PLA2G2C: variants seen among roughly 807,000 people sequenced by gnomAD.
PLA2G2C encodes the protein phospholipase A2 group IIC.
PLA2G2C carries 15 observed loss-of-function variants against 14.3 expected under a neutral mutation model. That is an observed-to-expected ratio of 1.05 (90% CI 0.70 to 1.62). PLA2G2C has a LOEUF of 1.62. Among genes scored for constraint, PLA2G2C ranks in the 40% most tolerant of loss-of-function variants. The pLI, the probability that PLA2G2C is intolerant of heterozygous loss-of-function variation, is 0.00. For synonymous variants in PLA2G2C, 79 were observed against 67.7 expected (o/e 1.17, Z -0.82); for missense variants, 162 against 173.2 (o/e 0.94, Z 0.36).
intron 4 of PLA2G2C, 102 bp downstream of exon 4, chr1:20,172,692 G>A: frequency 9.7e-7 from 1 of 1,026,258 alleles, no homozygotes; most frequent in South Asian, 1.6e-5. Context: ...CCAAGCACTT[G>A]GAAGCATTTC....
intron 4 of PLA2G2C, among the ~76,000 whole-genome samples, chr1:20,170,816 C>T (rs2018060758): frequency 7.7e-6 from 1 of 129,326 alleles, no homozygotes; most frequent in Non-Finnish European, 1.7e-5. Flanking sequence ...GCTGCTTCTG[C>T]TCTGAAGGGG....
At chr1:20,185,006 T>G (rs751798061) in intron 1 of PLA2G2C, among the ~76,000 whole-genome samples, 1 of 151,898 alleles carries the variant, frequency 6.6e-6, no homozygotes, top group Non-Finnish European at 1.5e-5. Context: ...TAATAAAAAT[T>G]AGCCAAGCAT....
At chr1:20,164,956 C>G (rs771902360) in intron 4 of PLA2G2C, among the ~76,000 whole-genome samples, 31 of 152,268 alleles carry the variant, frequency 2.0e-4, no homozygotes, top group Non-Finnish European at 3.7e-4. Context: ...CAGGGACCTT[C>G]TCAAACTGTA....
chr1:20,166,997 G>A (rs941426135), intron 4 of PLA2G2C, among the ~76,000 whole-genome samples: 9 of 152,196 alleles, frequency 5.9e-5, no homozygotes, highest in Admixed American at 1.3e-4. Flanking sequence ...ATCTTTTAAT[G>A]TGCTAATGGA....
Position 20,177,337 on chromosome 1 carries a change from G to A in PLA2G2C, c.27C>T (p.Leu9=). Residue 9 remains leucine, a synonymous_variant, in exon 2 of 5, where the codon CTC becomes CTT. Coordinates refer to ENST00000679259, the MANE Select transcript of PLA2G2C (RefSeq NM_001367969.2). MKVIAILT[L]LLFCSPTHSS... ...CTCTCTACTTACAGCAGAAGAGGAG[G>A]AGGGTGAGGATGGCAATGACCTTCA... 1 of 700,952 alleles carries A rather than the reference G, an allele frequency of 1.4e-6. No homozygotes were observed. Among genetic ancestry groups the A allele is most frequent in the East Asian group, 2.7e-5 (1 of 37,256 alleles). The allele number at this position is 700,952 out of a possible 1,614,324, so 43.4% of individuals were successfully genotyped here. A position where few individuals can be genotyped will look rare whatever the true frequency, so the allele number is the denominator to read the frequency against.
rs549342717 is a variant in PLA2G2C at position 20,168,483 on chromosome 1, C to T, written c.283+4311G>A. On this transcript the variant is annotated intron_variant, in intron 4 of 4. Transcript: ENST00000679259. ...ACCTTTCTAGTCGGTGGGGGAGAGT[C>T]GAGGCACACAGACACAGAGAAGTAA... Among the ~76,000 whole-genome samples, 88 of 152,056 alleles carry T rather than the reference C, an allele frequency of 5.8e-4. 2 individuals carry two copies. In the South Asian group the frequency reaches 0.012, roughly 21 times the overall value.
chr1:20,178,982 C>T (rs1557789408), intron 1 of PLA2G2C, among the ~76,000 whole-genome samples: 1 of 152,244 alleles, frequency 6.6e-6, no homozygotes, highest in African/African-American at 2.4e-5. Flanking sequence ...CTGACGCTGT[C>T]CCTCACTGAG....
chr1:20,180,360 G>T lies in PLA2G2C; in HGVS notation c.-76-2921C>A, dbSNP rs114929604. On this transcript the variant is annotated intron_variant, in intron 1 of 4. Coordinates refer to ENST00000679259, the MANE Select transcript of PLA2G2C (RefSeq NM_001367969.2). Reference sequence around the variant, plus strand: ...GGGAAGGTCACAGAAATCTTCCCAGGAGAGGTGGTATTTGAGAAGGCCTTA... The same window carrying T: ...GGGAAGGTCACAGAAATCTTCCCAGTAGAGGTGGTATTTGAGAAGGCCTTA... 5.6e-3 allele frequency among the ~76,000 whole-genome samples: 855 copies of T among 152,302 alleles called. 8 individuals are homozygous for T. Among genetic ancestry groups the T allele is most frequent in the African/African-American group, 0.02 (821 of 41,552 alleles).
At chr1:20,173,957 C>T (rs2018135179) in intron 3 of PLA2G2C, among the ~76,000 whole-genome samples, 2 of 152,106 alleles carry the variant, frequency 1.3e-5, no homozygotes, top group Admixed American at 1.3e-4. Flanking sequence ...CTCGTTCAAT[C>T]CTAACTCTGC....
At chr1:20,184,345 T>G (rs1385672378) in intron 1 of PLA2G2C, 2 of 152,222 alleles carry the variant, frequency 1.3e-5, no homozygotes, top group Non-Finnish European at 2.9e-5. Flanking sequence ...CTGAAGAGCA[T>G]CGCTAAGACA....
chr1:20,182,456 C>A (rs2018291075), intron 1 of PLA2G2C, among the ~76,000 whole-genome samples: 1 of 152,208 alleles, frequency 6.6e-6, no homozygotes, highest in East Asian at 1.9e-4. Context: ...TACCATATAA[C>A]CTAGGTGTGT....
rs150691515 is a variant in PLA2G2C, at chr1:20,170,257, G to A, written c.283+2537C>T. Among the ~76,000 whole-genome samples, 5 of 152,304 alleles carry A rather than the reference G, an allele frequency of 3.3e-5. No individual in the cohort carries two copies. In the East Asian group the frequency reaches 5.8e-4, roughly 18 times the overall value. On this transcript the variant is annotated intron_variant, in intron 4 of 4. Coordinates refer to ENST00000679259, the MANE Select transcript of PLA2G2C (RefSeq NM_001367969.2). ...AAAGCCCAGACAACTCCGGCCAGAC[G>A]GTATGTTCCAGAGCACTGAAAAGGT...
In PLA2G2C at chr1:20,163,769, G is replaced by T. The variant is rs1473620629; in HGVS notation, c.*222C>A. On this transcript the variant is annotated 3_prime_UTR_variant, in exon 5 of 5. Transcript: ENST00000679259. Reference sequence around the variant, plus strand: ...TCCACAGAATGCCAGCTCCTGCAGGGCAGGCATCTCATCTTTCCCATTTCT... The same window carrying T: ...TCCACAGAATGCCAGCTCCTGCAGGTCAGGCATCTCATCTTTCCCATTTCT... 1 of 542,904 alleles carries T rather than the reference G, an allele frequency of 1.8e-6. No individual in the cohort carries two copies. The highest frequency in any genetic ancestry group is 3.4e-5 in the Admixed American group (1 of 29,042). The allele number at this position is 542,904 out of a possible 1,614,324, so 33.6% of individuals were successfully genotyped here. A position where few individuals can be genotyped will look rare whatever the true frequency, so the allele number is the denominator to read the frequency against.
intron 1 of PLA2G2C, among the ~76,000 whole-genome samples, chr1:20,177,681 A>G (rs2018210634): frequency 6.6e-6 from 1 of 152,020 alleles, no homozygotes; most frequent in Non-Finnish European, 1.5e-5. Context: ...TTCTTTGGCA[A>G]CATCATCCCT....
At chr1:20,164,242 G>C in intron 4 of PLA2G2C, 85 bp from the exon 5 acceptor site, 1 of 1,381,870 alleles carries the variant, frequency 7.2e-7, no homozygotes. Context: ...GGAGCTCACT[G>C]TAAGGGGCCA....
At chr1:20,179,392 T>C (rs1001552106) in intron 1 of PLA2G2C, among the ~76,000 whole-genome samples, 2 of 152,052 alleles carry the variant, frequency 1.3e-5, no homozygotes, top group Admixed American at 1.3e-4. Context: ...CTGTGTCAAC[T>C]TCTCCCTTGT....
At chr1:20,165,336 G>A (rs58790812) in intron 4 of PLA2G2C, among the ~76,000 whole-genome samples, 21,492 of 152,182 alleles carry the variant, frequency 0.14, 1,868 homozygotes, top group East Asian at 0.49. Flanking sequence ...AGCTCTCTCT[G>A]GCCATGTCCT....
intron 1 of PLA2G2C, among the ~76,000 whole-genome samples, chr1:20,181,245 T>C (rs2018275096): frequency 6.6e-6 from 1 of 151,792 alleles, no homozygotes; most frequent in African/African-American, 2.4e-5. Context: ...AATGAATGAG[T>C]GAATGAGTGT....
intron 1 of PLA2G2C, among the ~76,000 whole-genome samples, chr1:20,182,061 TG>T (rs2018286192): frequency 6.6e-6 from 1 of 152,178 alleles, no homozygotes; most frequent in Non-Finnish European, 1.5e-5. Context: ...TGAAAATACT[TG>T]GTCAACAGTA....
Sources: allele counts gnomAD v4.1 joint callset (sites outside exome capture counted in the v4.1 genomes callset), GRCh38; gene constraint gnomAD v4.1.1; transcripts MANE v1.5; gene names NCBI Gene and HGNC (gene_info 2026-07-23, HGNC 2026-07-21).